MTA3: variants seen among roughly 807,000 people sequenced by gnomAD.
MTA3 encodes the protein metastasis associated 1 family member 3.
MTA3 carries 34 observed loss-of-function variants against 83.5 expected under a neutral mutation model. That is an observed-to-expected ratio of 0.41 (90% CI 0.31 to 0.54). MTA3 has a LOEUF of 0.54. Ranked by LOEUF, MTA3 falls within the 20% of genes least tolerant of loss-of-function variation. The pLI, the probability that MTA3 is intolerant of heterozygous loss-of-function variation, is 0.33. For missense variants in MTA3, 761 were observed against 726.4 expected (o/e 1.05, Z -0.55); for synonymous variants, 303 against 252.7 (o/e 1.20, Z -1.89).
chr2:42,724,902 C>G (rs1232033412), intron 16 of MTA3, among the ~76,000 whole-genome samples: 1 of 152,240 alleles, frequency 6.6e-6, no homozygotes, highest in Non-Finnish European at 1.5e-5. Flanking sequence ...CTTCTCTGCT[C>G]TGAACAGAAG....
intron 12 of MTA3, among the ~76,000 whole-genome samples, chr2:42,707,335 C>T (rs766723258): frequency 1.3e-5 from 2 of 152,038 alleles, no homozygotes; most frequent in Non-Finnish European, 2.9e-5. Context: ...CCTCTGCCTC[C>T]CACATTCAAG....
chr2:42,629,504 G>T (rs1686463840), intron 4 of MTA3, among the ~76,000 whole-genome samples: 1 of 152,184 alleles, frequency 6.6e-6, no homozygotes, highest in Non-Finnish European at 1.5e-5. Flanking sequence ...AGCACAGCCA[G>T]TCAGTACTCT....
In MTA3 at chr2:42,591,713, C is replaced by G. The variant is rs188464371; in HGVS notation, c.190+12513C>G. 2.4e-4 allele frequency among the ~76,000 whole-genome samples: 36 copies of G among 151,680 alleles called. No homozygotes were observed. The East Asian group carries it at 6.0e-3, about 25-fold the overall frequency. Reference sequence around the variant, plus strand: ...TGGCCCAGGCTGGAGTGCAGTGGTGCGATCTCAGCTCACTGCAATCTCCGC... The same window carrying G: ...TGGCCCAGGCTGGAGTGCAGTGGTGGGATCTCAGCTCACTGCAATCTCCGC... On this transcript the variant is annotated intron_variant, in intron 3 of 16. Coordinates refer to ENST00000405094, the MANE Select transcript of MTA3 (RefSeq NM_001330442.2).
chr2:42,682,107 C>G (rs1691986849), intron 8 of MTA3, among the ~76,000 whole-genome samples: 1 of 151,978 alleles, frequency 6.6e-6, no homozygotes, highest in African/African-American at 2.4e-5. Flanking sequence ...ACTCAGGAGG[C>G]TGAGGCAGGA....
intron 16 of MTA3, among the ~76,000 whole-genome samples, chr2:42,739,178 A>T (rs991839699): frequency 6.6e-6 from 1 of 152,076 alleles, no homozygotes; most frequent in African/African-American, 2.4e-5. Flanking sequence ...GATCCTACCA[A>T]CGTGTGATGT....
intron 8 of MTA3, among the ~76,000 whole-genome samples, chr2:42,661,439 G>T (rs1689697821): frequency 6.7e-6 from 1 of 148,544 alleles, no homozygotes; most frequent in African/African-American, 2.5e-5. Flanking sequence ...AGGAGAGGTT[G>T]CAGTGAGCTG....
chr2:42,540,766 T>G (rs939032845), intron 2 of MTA3, among the ~76,000 whole-genome samples: 2 of 151,554 alleles, frequency 1.3e-5, no homozygotes, highest in Non-Finnish European at 2.9e-5. Flanking sequence ...TCCCAAGAGT[T>G]TGTGGTTGCA....
intron 9 of MTA3, among the ~76,000 whole-genome samples, chr2:42,684,255 A>T (rs1238011289): frequency 6.6e-6 from 1 of 152,218 alleles, no homozygotes; most frequent in Non-Finnish European, 1.5e-5. Flanking sequence ...TTAAATTATG[A>T]AAATAGAATC....
chr2:42,536,302 C>A (rs185278651), intron 2 of MTA3, among the ~76,000 whole-genome samples: 1 of 151,662 alleles, frequency 6.6e-6, no homozygotes, highest in Non-Finnish European at 1.5e-5. Flanking sequence ...GAAGAAACCC[C>A]GTCTCTAATA....
rs368593500 is a variant in MTA3 at position 42,660,995 on chromosome 2, T to C, written c.702+1133T>C. Reference sequence around the variant, plus strand: ...CCACTGCTCCCAGCCTTGTTTCTTATGCATTTTGTGTACTTCTGTACAATT... The same window carrying C: ...CCACTGCTCCCAGCCTTGTTTCTTACGCATTTTGTGTACTTCTGTACAATT... On this transcript the variant is annotated intron_variant, in intron 8 of 16. Coordinates refer to ENST00000405094, the MANE Select transcript of MTA3 (RefSeq NM_001330442.2). Among the ~76,000 whole-genome samples the C allele has an allele frequency of 3.9e-5, 6 of 152,210 alleles. No individual in the cohort carries two copies. The East Asian group carries it at 5.8e-4, about 15-fold the overall frequency.
intron 16 of MTA3, among the ~76,000 whole-genome samples, chr2:42,737,884 A>T (rs1668725216): frequency 6.6e-6 from 1 of 152,168 alleles, no homozygotes; most frequent in African/African-American, 2.4e-5. Context: ...CAGAGATACT[A>T]TTGAGTTCAG....
At chr2:42,740,871 A>T (rs867211699) in intron 16 of MTA3, among the ~76,000 whole-genome samples, 28 of 152,248 alleles carry the variant, frequency 1.8e-4, no homozygotes, top group African/African-American at 6.3e-4. Flanking sequence ...TTCAACTTAA[A>T]AAGTCACCAG....
intron 6 of MTA3, among the ~76,000 whole-genome samples, chr2:42,648,120 C>G (rs1323401722): frequency 6.6e-6 from 1 of 152,216 alleles, no homozygotes; most frequent in Non-Finnish European, 1.5e-5. Context: ...GGATTACAGG[C>G]ATGAGCCTCT....
At chr2:42,557,983 A>G (rs1434200658) in intron 2 of MTA3, among the ~76,000 whole-genome samples, 1 of 152,190 alleles carries the variant, frequency 6.6e-6, no homozygotes, top group Admixed American at 6.5e-5. Context: ...AGAATCAAGA[A>G]CCACCAAGGA....
At chr2:42,692,420 C>CT (rs796332869) in intron 9 of MTA3, among the ~76,000 whole-genome samples, 3,355 of 130,602 alleles carry the variant, frequency 0.026, 87 homozygotes, top group African/African-American at 0.061. Flanking sequence ...ATCTTGAATT[C>CT]TTTTTTTTTT....
At chr2:42,628,949 C>T (rs1686400269) in intron 4 of MTA3, among the ~76,000 whole-genome samples, 4 of 151,906 alleles carry the variant, frequency 2.6e-5, no homozygotes, top group Admixed American at 2.6e-4. Context: ...AAGAAATAGT[C>T]GGTAGATGGG....
At chr2:42,598,290 C>G (rs1682096710) in intron 3 of MTA3, among the ~76,000 whole-genome samples, 1 of 151,856 alleles carries the variant, frequency 6.6e-6, no homozygotes, top group African/African-American at 2.4e-5. Context: ...TGGTCTGTAT[C>G]TCCTGACCTC....
intron 6 of MTA3, among the ~76,000 whole-genome samples, chr2:42,653,888 A>G (rs1205594936): frequency 5.9e-5 from 9 of 152,228 alleles, no homozygotes; most frequent in Non-Finnish European, 1.3e-4. Flanking sequence ...TGTAGATTTC[A>G]AATGTTTTAC....
intron 16 of MTA3, among the ~76,000 whole-genome samples, chr2:42,724,279 C>A (rs1030163640): frequency 1.9e-5 from 2 of 103,320 alleles, no homozygotes; most frequent in African/African-American, 5.0e-5. Flanking sequence ...TCCTGAAAAA[C>A]ACACACACAC....
Sources: allele counts gnomAD v4.1 joint callset (sites outside exome capture counted in the v4.1 genomes callset), GRCh38; gene constraint gnomAD v4.1.1; transcripts MANE v1.5; gene names NCBI Gene and HGNC (gene_info 2026-07-23, HGNC 2026-07-21).